Variants in CHD7 observed in about 807,000 individuals in gnomAD.
CHD7 encodes the protein chromodomain helicase DNA binding protein 7.
CHD7 carries 24 observed loss-of-function variants against 307.3 expected under a neutral mutation model. The observed-to-expected ratio is 0.08, with a 90% CI of 0.06 to 0.11. The LOEUF (loss-of-function observed/expected upper bound fraction) is 0.11. Ranked by LOEUF, CHD7 falls within the 10% of genes least tolerant of loss-of-function variation. CHD7 has a pLI of 1.00. For missense variants in CHD7, 3,106 were observed against 3,727.1 expected, an observed-to-expected ratio of 0.83 and a Z score of 4.34; for synonymous variants, 1,363 against 1,349.9, an observed-to-expected ratio of 1.01 and a Z score of -0.21.
At chr8:60,821,688 A>G (rs1804047910) in intron 9 of CHD7, 102 bp from the exon 10 acceptor site, 4 of 913,358 alleles carry the variant, frequency 4.4e-6, no homozygotes, top group Non-Finnish European at 6.3e-6. Flanking sequence ...ATATATACAC[A>G]CATACATATC....
chr8:60,822,069 G>A lies in CHD7; in HGVS notation c.2881G>A (p.Glu961Lys). The change falls in exon 11 of 38, where the codon GAG becomes AAG. Residue 961 changes from glutamate (E) to lysine (K), a missense_variant. Transcript: ENST00000423902. ...DDWKKSESSR[E>K]YKNNNKLREY... The stretch of plus-strand genomic sequence containing the variant: ...TTGGAAGAAATCGGAGAGTTCCAGG[G>A]AGTATAAAAACAATAACAAACTCAG... The A allele has an allele frequency of 6.2e-7, 1 of 1,613,854 alleles. No homozygotes were observed. Among genetic ancestry groups the A allele is most frequent in the Non-Finnish European group, 8.5e-7 (1 of 1,179,816 alleles).
At chr8:60,773,135 G>A (rs1474985415) in intron 2 of CHD7, among the ~76,000 whole-genome samples, 1 of 152,116 alleles carries the variant, frequency 6.6e-6, no homozygotes, top group African/African-American at 2.4e-5. Context: ...AAAATAGGTG[G>A]GCAGGCCTGC....
intron 2 of CHD7, among the ~76,000 whole-genome samples, chr8:60,776,611 C>T (rs952075419): frequency 2.6e-5 from 4 of 152,170 alleles, no homozygotes; most frequent in African/African-American, 7.2e-5. Context: ...ACTATGGCTG[C>T]CTTGTTTACT....
At chr8:60,724,912 C>A (rs1808093165) in intron 1 of CHD7, among the ~76,000 whole-genome samples, 1 of 152,132 alleles carries the variant, frequency 6.6e-6, no homozygotes, top group Non-Finnish European at 1.5e-5. Flanking sequence ...AAATTGAGGG[C>A]AGATAAGCTT....
chr8:60,736,936 T>C (rs1173206201), intron 1 of CHD7, among the ~76,000 whole-genome samples: 1 of 152,170 alleles, frequency 6.6e-6, no homozygotes, highest in Admixed American at 6.5e-5. Context: ...GAGAAGAGTG[T>C]AGTAAATAAT....
intron 1 of CHD7, among the ~76,000 whole-genome samples, chr8:60,706,633 C>T (rs1323374375): frequency 2.0e-5 from 3 of 152,016 alleles, no homozygotes; most frequent in Admixed American, 6.6e-5. Context: ...GAGATTATCA[C>T]ATTTATCTTC....
chr8:60,818,678 TTCA>T (rs1203823276), intron 8 of CHD7, among the ~76,000 whole-genome samples: 1 of 152,238 alleles, frequency 6.6e-6, no homozygotes, highest in African/African-American at 2.4e-5. Flanking sequence ...TAATTCATGG[TTCA>T]AAGCTTCCCA....
chr8:60,850,968 C>A, intron 26 of CHD7, 64 bp from the exon 27 acceptor site: 2 of 1,162,448 alleles, frequency 1.7e-6, no homozygotes, highest in Non-Finnish European at 2.5e-6. Context: ...CTTTCCTACC[C>A]ACCCCCCTTC....
chr8:60,789,306 C>A (rs907784681), intron 3 of CHD7, among the ~76,000 whole-genome samples: 1 of 152,230 alleles, frequency 6.6e-6, no homozygotes, highest in Non-Finnish European at 1.5e-5. Context: ...ATTCAGAAGT[C>A]TTTTCAGGAT....
At chr8:60,770,303 A>G (rs1644845578) in intron 2 of CHD7, among the ~76,000 whole-genome samples, 1 of 152,256 alleles carries the variant, frequency 6.6e-6, no homozygotes, top group South Asian at 2.1e-4. Flanking sequence ...CAAAACATTT[A>G]TGAGCTGATA....
chr8:60,771,543 T>G (rs1483462755), intron 2 of CHD7, among the ~76,000 whole-genome samples: 9 of 152,198 alleles, frequency 5.9e-5, no homozygotes, highest in Non-Finnish European at 1.2e-4. Flanking sequence ...CTTTATGGCT[T>G]AAAACAATAT....
chr8:60,749,561 C>T (rs1231470115), intron 2 of CHD7, among the ~76,000 whole-genome samples: 1 of 151,516 alleles, frequency 6.6e-6, no homozygotes, highest in Non-Finnish European at 1.5e-5. Context: ...ACCTTTCTCA[C>T]TTCTAAAGAC....
intron 2 of CHD7, among the ~76,000 whole-genome samples, chr8:60,759,704 C>T (rs1343537829): frequency 6.6e-6 from 1 of 152,188 alleles, no homozygotes; most frequent in Non-Finnish European, 1.5e-5. Context: ...CCATGTAAGC[C>T]TCTTCTTACT....
chr8:60,712,525 T>G (rs1807331524), intron 1 of CHD7, among the ~76,000 whole-genome samples: 1 of 152,206 alleles, frequency 6.6e-6, no homozygotes, highest in Admixed American at 6.5e-5. Context: ...GCCTTGTTTA[T>G]TCACATTCTC....
intron 1 of CHD7, among the ~76,000 whole-genome samples, chr8:60,709,468 G>A (rs945693175): frequency 6.6e-6 from 1 of 152,140 alleles, no homozygotes; most frequent in Non-Finnish European, 1.5e-5. Flanking sequence ...AAAACTCTTA[G>A]GTAAAAGTTA....
chr8:60,862,142 G>T, intron 35 of CHD7, 54 bp from the exon 36 acceptor site: 1 of 1,422,854 alleles, frequency 7.0e-7, no homozygotes, highest in East Asian at 2.4e-5. Context: ...CATTTATATA[G>T]AGAAGAATAA....
At chr8:60,739,031 C>T (rs753182808) in intron 1 of CHD7, among the ~76,000 whole-genome samples, 5 of 152,146 alleles carry the variant, frequency 3.3e-5, no homozygotes, top group South Asian at 2.1e-4. Flanking sequence ...CCAACTTCAT[C>T]GCCACTTCTC....
rs746819160 is a variant in CHD7 at position 60,795,037 on chromosome 8, G to T, written c.2148G>T (p.Lys716Asn). Residue 716 changes from lysine to asparagine, a missense_variant, in exon 4 of 38, where the codon AAG becomes AAT. Physicochemically the swap from Lys to Asn is moderately conservative, Grantham distance 94. Coordinates refer to ENST00000423902, the MANE Select transcript of CHD7 (RefSeq NM_017780.4). Reference protein sequence around the residue: ...EASALKKKVNKGKTEGSENSD... With the variant: ...EASALKKKVNNGKTEGSENSD... ...GTGCTTTGAAGAAAAAGGTCAACAA[G>T]GGAAAAACAGAAGGTTCTGAAAATT... 4.3e-5 allele frequency: 69 copies of T among 1,613,592 alleles called. No individual in the cohort carries two copies. The highest frequency in any genetic ancestry group is 5.0e-5 in the Non-Finnish European group (59 of 1,179,726).
At chr8:60,839,716 T>G (rs1230010420) in intron 19 of CHD7, among the ~76,000 whole-genome samples, 1 of 152,244 alleles carries the variant, frequency 6.6e-6, no homozygotes, top group Non-Finnish European at 1.5e-5. Context: ...TTTCATGTGC[T>G]TATTGGCCAG....
Sources: allele counts gnomAD v4.1 joint callset (sites outside exome capture counted in the v4.1 genomes callset), GRCh38; gene constraint gnomAD v4.1.1; transcripts MANE v1.5; gene names NCBI Gene and HGNC (gene_info 2026-07-23, HGNC 2026-07-21).